COQ2: variants seen among roughly 807,000 people sequenced by gnomAD.
COQ2 encodes coenzyme Q2, polyprenyltransferase.
Under a neutral mutation model 35.7 loss-of-function variants are expected in COQ2, and 25 were observed. The observed-to-expected ratio is 0.70, with a 90% CI of 0.51 to 0.98. The LOEUF is 0.98. Ranked by LOEUF, COQ2 falls within the 50% of genes least tolerant of loss-of-function variation. COQ2 has a pLI of 0.00. For missense variants in COQ2, 488 were observed against 473.5 expected, an observed-to-expected ratio of 1.03 and a Z score of -0.28; for synonymous variants, 206 against 186.2, an observed-to-expected ratio of 1.11 and a Z score of -0.86.
chr4:83,282,083 G>A (rs1239905035), intron 1 of COQ2, among the ~76,000 whole-genome samples: 1 of 152,074 alleles, frequency 6.6e-6, no homozygotes, highest in East Asian at 1.9e-4. Flanking sequence ...TTGTAGAAAA[G>A]GGAAAAACTC....
chr4:83,269,992 G>C lies in COQ2; in HGVS notation c.630C>G (p.Gly210=). The C allele has an allele frequency of 6.2e-7, 1 of 1,612,810 alleles. No homozygotes were observed. The highest frequency in any genetic ancestry group is 1.3e-5 in the African/African-American group (1 of 74,914). ...GTAACGCTCCCCAATTAAATGTCAA[G>C]CCTACAATTAGCAAAACACAAAAAG... The part of the protein sequence containing the change: ...RISYWPQLAL[G]LTFNWGALLG... Residue 210 remains glycine, a splice_region_variant and synonymous_variant, in exon 5 of 7, where the codon GGC becomes GGG. Transcript: ENST00000647002.
In COQ2 at chr4:83,264,152, A is replaced by G. The variant is rs755004035; in HGVS notation, c.*47T>C. On this transcript the variant is annotated 3_prime_UTR_variant, in exon 7 of 7. Coordinates refer to ENST00000647002, the MANE Select transcript of COQ2 (RefSeq NM_001358921.2). The stretch of plus-strand genomic sequence containing the variant: ...TCAGATTTTGTATTCAAATCTAATT[A>G]TATTTTGTAAAAAATGTTTTAAAAA... The G allele has an allele frequency of 1.2e-5, 11 of 954,646 alleles. No individual in the cohort carries two copies. Among genetic ancestry groups the G allele is most frequent in the South Asian group, 3.5e-5 (2 of 56,478 alleles). The allele number at this position is 954,646 out of a possible 1,614,324, so 59.1% of individuals were successfully genotyped here. A position where few individuals can be genotyped will look rare whatever the true frequency, so the allele number is the denominator to read the frequency against.
chr4:83,279,252 T>C (rs987164123), intron 1 of COQ2, 138 bp from the exon 2 acceptor site: 254 of 1,161,660 alleles, frequency 2.2e-4, no homozygotes, highest in Non-Finnish European at 2.8e-4. Context: ...AAAATAAATT[T>C]GCAACTCAAA....
upstream of COQ2, chr4:83,284,811 C>T: frequency 1.9e-6 from 3 of 1,567,432 alleles, no homozygotes; most frequent in South Asian, 1.2e-5. Flanking sequence ...CATTCCCCGG[C>T]AGGCATGCGC....
At chr4:83,280,544 G>T (rs373457651) in intron 1 of COQ2, among the ~76,000 whole-genome samples, 1 of 152,252 alleles carries the variant, frequency 6.6e-6, no homozygotes, top group South Asian at 2.1e-4. Context: ...GGGGGCTTCT[G>T]CCTTCATGCA....
Position 83,263,923 on chromosome 4 carries a change from C to T in COQ2, c.*276G>A, listed in dbSNP as rs541029768. The T allele has an allele frequency of 2.9e-4, 61 of 207,042 alleles. No individual in the cohort carries two copies. The highest frequency in any genetic ancestry group is 1.3e-3 in the African/African-American group (56 of 42,680). The allele number at this position is 207,042 out of a possible 1,614,324, so 12.8% of individuals were successfully genotyped here. On this transcript the variant is annotated 3_prime_UTR_variant, in exon 7 of 7. Coordinates refer to ENST00000647002, the MANE Select transcript of COQ2 (RefSeq NM_001358921.2). The stretch of plus-strand genomic sequence containing the variant: ...CCACATCAGGCTTTTTCTAAAGTGC[C>T]AAAACCCGTGCAATCCCCATAACTT...
chr4:83,276,816 G>C (rs762025011), intron 2 of COQ2, among the ~76,000 whole-genome samples: 16 of 152,114 alleles, frequency 1.1e-4, no homozygotes, highest in Non-Finnish European at 1.9e-4. Flanking sequence ...TGGATGACTA[G>C]ATTAAAAAAT....
At chr4:83,274,085 G>A (rs193173932) in intron 2 of COQ2, among the ~76,000 whole-genome samples, 44 of 151,962 alleles carry the variant, frequency 2.9e-4, no homozygotes, top group Non-Finnish European at 5.7e-4. Flanking sequence ...GAGCCTAGGA[G>A]GTTGAAGCTG....
In COQ2 at chr4:83,279,126, TAA is replaced by T; in HGVS notation, c.254-14_254-13del. On this transcript the variant is annotated splice_polypyrimidine_tract_variant and intron_variant, in intron 1 of 6. Coordinates refer to ENST00000647002, the MANE Select transcript of COQ2 (RefSeq NM_001358921.2). ...CAGAAGCCAGGTTCCTAAGCAAAAA[TAA>T]AAAGACAAAAAAGGTACAAATTTAA... 1 of 1,527,858 alleles carries T rather than the reference TAA, an allele frequency of 6.5e-7. No homozygotes were observed. The highest frequency in any genetic ancestry group is 8.8e-7 in the Non-Finnish European group (1 of 1,142,378). 94.6% of individuals were successfully genotyped at this position (1,527,858 alleles called of 1,614,324 possible).
At position 83,263,962 on chromosome 4, in the gene COQ2, T is replaced by C; in HGVS notation, c.*237A>G. ...TCCCCATAACTTCAGGTGAGAATTA[T>C]AATGGGCAGAAGAATGTATCAACTA... On this transcript the variant is annotated 3_prime_UTR_variant, in exon 7 of 7. Transcript: ENST00000647002. The C allele has an allele frequency of 3.4e-6, 1 of 292,376 alleles. No individual in the cohort carries two copies. Among genetic ancestry groups the C allele is most frequent in the Non-Finnish European group, 6.3e-6 (1 of 159,982 alleles). The allele number at this position is 292,376 out of a possible 1,614,324, so 18.1% of individuals were successfully genotyped here.
In COQ2 at chr4:83,273,602, T is replaced by C; in HGVS notation, c.436A>G (p.Asn146Asp). Reference protein sequence around the residue: ...DYDKKVTRTANRPIAAGDIST... With the variant: ...DYDKKVTRTADRPIAAGDIST... ...ATGTCTCCAGCGGCTATTGGACGAT[T>C]GGCTGTTCTTGTAACCTTAAAACAT... Residue 146 changes from asparagine to aspartate, a missense_variant, in exon 3 of 7, where the codon AAT becomes GAT. Transcript: ENST00000647002. The C allele has an allele frequency of 6.2e-7, 1 of 1,613,486 alleles. No individual in the cohort carries two copies. The highest frequency in any genetic ancestry group is 8.5e-7 in the Non-Finnish European group (1 of 1,179,692).
intron 4 of COQ2, among the ~76,000 whole-genome samples, chr4:83,270,243 T>G (rs1418831251): frequency 6.6e-6 from 1 of 151,896 alleles, no homozygotes; most frequent in Non-Finnish European, 1.5e-5. Context: ...AAGAATAATA[T>G]CCCCTAATTA....
At chr4:83,276,077 A>AATATAATATATAAT (rs1560494819) in intron 2 of COQ2, among the ~76,000 whole-genome samples, 2 of 139,078 alleles carry the variant, frequency 1.4e-5, no homozygotes, top group African/African-American at 5.8e-5. Context: ...TTTTATATAT[A>AATATAATATATAAT]ATATATATAT....
At chr4:83,280,900 T>C (rs932133457) in intron 1 of COQ2, among the ~76,000 whole-genome samples, 2 of 152,248 alleles carry the variant, frequency 1.3e-5, no homozygotes, top group East Asian at 1.9e-4. Context: ...GTGTTCTAAA[T>C]GCTTTATATG....
Position 83,279,013 on chromosome 4 carries a change from C to T in COQ2, c.355G>A (p.Ala119Thr). 5.0e-6 allele frequency: 8 copies of T among 1,608,576 alleles called. No individual in the cohort carries two copies. Among genetic ancestry groups the T allele is most frequent in the Non-Finnish European group, 6.8e-6 (8 of 1,177,314 alleles). ...CAGCCTGCTCCACGCATCAGAATAG[C>T]TCCAGTGCCAAAGAGGGAGAGCATG... is the stretch of plus-strand genomic sequence containing the variant. ...WYMLSLFGTG[A>T]ILMRGAGCTI... The change falls in exon 2 of 7, where the codon GCT becomes ACT. Residue 119 changes from alanine to threonine, a missense_variant. By Grantham distance (58) the Ala-to-Thr change is moderately conservative (BLOSUM62 0). Transcript: ENST00000647002.
At chr4:83,270,477 C>T (rs1735023663) in intron 4 of COQ2, among the ~76,000 whole-genome samples, 1 of 152,160 alleles carries the variant, frequency 6.6e-6, no homozygotes, top group Non-Finnish European at 1.5e-5. Flanking sequence ...TAAACAAACA[C>T]CTACATGTTG....
In COQ2 at chr4:83,273,606, T is replaced by A. The variant is rs754448712; in HGVS notation, c.432A>T (p.Thr144=). 1 of 1,613,446 alleles carries A rather than the reference T, an allele frequency of 6.2e-7. No individual in the cohort carries two copies. Among genetic ancestry groups the A allele is most frequent in the East Asian group, 2.2e-5 (1 of 44,854 alleles). Residue 144 remains threonine (T), a synonymous_variant, in exon 3 of 7, where the codon ACA becomes ACT. Coordinates refer to ENST00000647002, the MANE Select transcript of COQ2 (RefSeq NM_001358921.2). ...CTCCAGCGGCTATTGGACGATTGGC[T>A]GTTCTTGTAACCTTAAAACATAAAA... ...DQDYDKKVTR[T]ANRPIAAGDI...
intron 4 of COQ2, 100 bp downstream of exon 4, chr4:83,271,987 T>C: frequency 1.3e-6 from 1 of 772,820 alleles, no homozygotes; most frequent in Non-Finnish European, 2.1e-6. Context: ...GAAAATTACA[T>C]GACTGATTTG....
Position 83,284,603 on chromosome 4 carries a change from G to T in COQ2, c.162C>A (p.Arg54=). 4 of 1,536,122 alleles carry T rather than the reference G, an allele frequency of 2.6e-6. No individual in the cohort carries two copies. Among genetic ancestry groups the T allele is most frequent in the Non-Finnish European group, 3.5e-6 (4 of 1,142,304 alleles). ...CCGCCGCCGCGGACAAACTGAGCTG[G>T]CGCCCGCGCGGCTCGGGACAGGCGG... is the stretch of plus-strand genomic sequence containing the variant. ...QPPACPEPRG[R]QLSLSAAAVV... is the part of the protein sequence containing the mutation. The change falls in exon 1 of 7, where the codon CGC becomes CGA. Residue 54 remains arginine (R), a synonymous_variant. Transcript: ENST00000647002.
Sources: allele counts gnomAD v4.1 joint callset (sites outside exome capture counted in the v4.1 genomes callset), GRCh38; gene constraint gnomAD v4.1.1; transcripts MANE v1.5; gene names NCBI Gene and HGNC (gene_info 2026-07-23, HGNC 2026-07-21).